The following RUNX1T1 variants were observed in gnomAD, a reference collection of about 807,000 sequenced individuals.
RUNX1T1 encodes the protein protein CBFA2T1.
RUNX1T1 carries 4 observed loss-of-function variants against 62.8 expected under a neutral mutation model. The ratio of observed to expected loss-of-function variants is 0.06; its 90% CI spans 0.03 to 0.15. RUNX1T1 has a LOEUF of 0.15. Ranked by LOEUF, RUNX1T1 falls within the 10% of genes least tolerant of loss-of-function variation. The probability of loss-of-function intolerance (pLI) is 1.00; values close to 1 mark genes in which losing one functional copy is unlikely to be tolerated. For synonymous variants in RUNX1T1, 291 were observed against 286.0 expected, an observed-to-expected ratio of 1.02 and a Z score of -0.18; for missense variants, 508 against 754.3, an observed-to-expected ratio of 0.67 and a Z score of 3.82.
intron 5 of RUNX1T1, among the ~76,000 whole-genome samples, chr8:91,998,920 G>A (rs2130956420): frequency 6.6e-6 from 1 of 152,304 alleles, no homozygotes; most frequent in Non-Finnish European, 1.5e-5. Context: ...ATGCCTGGAA[G>A]AGAGACCATT....
rs186836911 is a variant in RUNX1T1 at position 92,037,204 on chromosome 8, G to A, written c.8-19841C>T. 2.2e-4 allele frequency among the ~76,000 whole-genome samples: 33 copies of A among 152,254 alleles called. No homozygotes were observed. In the East Asian group the frequency reaches 5.2e-3, roughly 24 times the overall value. Reference sequence around the variant, plus strand: ...GTAAATTTATAACCCCGTGTCCTGTGGATGACCAATGCCTTGAGAAGCCAC... The same window carrying A: ...GTAAATTTATAACCCCGTGTCCTGTAGATGACCAATGCCTTGAGAAGCCAC... On this transcript the variant is annotated intron_variant, in intron 1 of 10. Coordinates refer to ENST00000396218, the Ensembl canonical transcript of RUNX1T1.
At chr8:92,007,250 G>C (rs1449138604) in intron 4 of RUNX1T1, among the ~76,000 whole-genome samples, 1 of 152,120 alleles carries the variant, frequency 6.6e-6, no homozygotes, top group Non-Finnish European at 1.5e-5. Flanking sequence ...TGTATCACTT[G>C]AGGTCAGGAG....
At chr8:92,102,991 C>A, upstream of RUNX1T1, 1 of 1,203,358 alleles carries the variant, frequency 8.3e-7, no homozygotes, top group Non-Finnish European at 1.1e-6. The surrounding 1 kb of genome is among the most constrained non-coding windows in gnomAD (Gnocchi z 4.5). Context: ...CCAGAGTGTC[C>A]GCGGCCACTC....
intron 5 of RUNX1T1, among the ~76,000 whole-genome samples, chr8:91,996,600 T>TTC (rs1818742075): frequency 6.6e-6 from 1 of 152,140 alleles, no homozygotes; most frequent in South Asian, 2.1e-4. Flanking sequence ...TCCCAATCAC[T>TTC]TCTCTCTCGA....
chr8:91,977,574 T>C (rs1298297926), intron 8 of RUNX1T1, among the ~76,000 whole-genome samples: 1 of 152,212 alleles, frequency 6.6e-6, no homozygotes, highest in Non-Finnish European at 1.5e-5. Flanking sequence ...CAAGTTCATA[T>C]TTAGCCATGT....
chr8:92,064,580 A>G (rs1468538235), upstream of RUNX1T1, among the ~76,000 whole-genome samples: 2 of 152,160 alleles, frequency 1.3e-5, no homozygotes, highest in African/African-American at 4.8e-5. Context: ...ATTTTTAAAG[A>G]GAGTATTTTT....
upstream of RUNX1T1, among the ~76,000 whole-genome samples, chr8:92,064,102 T>C (rs773833246): frequency 1.3e-5 from 2 of 152,158 alleles, no homozygotes; most frequent in Non-Finnish European, 2.9e-5. Context: ...TTCTACCTAC[T>C]CAATCTTCCT....
intron 1 of RUNX1T1, among the ~76,000 whole-genome samples, chr8:92,035,340 A>G (rs1827216459): frequency 7.2e-6 from 1 of 139,344 alleles, no homozygotes; most frequent in Non-Finnish European, 1.6e-5. Context: ...ATCCCACTGG[A>G]GACTCCAAAA....
chr8:91,956,769 A>C (rs1324037219), downstream of RUNX1T1: 2 of 219,740 alleles, frequency 9.1e-6, no homozygotes, highest in Non-Finnish European at 9.1e-6. Flanking sequence ...AATTTTTCAC[A>C]ATGTCGCAGA....
upstream of RUNX1T1, chr8:92,103,020 C>G (rs914738543): frequency 1.1e-5 from 10 of 884,278 alleles, no homozygotes; most frequent in Non-Finnish European, 1.5e-5. Flanking sequence ...GCGCTCGCCA[C>G]GAGACCGCGG....
chr8:91,979,104 G>C lies in RUNX1T1; in HGVS notation c.1199-3131C>G, dbSNP rs189797972. ...TAAACATCAGGTCTACCAACAGAAA[G>C]AACAGAGTGATTGGTAGTAGGTATA... On this transcript the variant is annotated intron_variant, in intron 8 of 10. Transcript: ENST00000396218. 3.1e-3 allele frequency among the ~76,000 whole-genome samples: 474 copies of C among 152,272 alleles called. 9 individuals carry two copies. Among genetic ancestry groups the C allele is most frequent in the Non-Finnish European group, 8.4e-4 (57 of 68,014 alleles).
chr8:92,062,732 G>C (rs1156958897), exon 1 of RUNX1T1: 2 of 1,583,374 alleles, frequency 1.3e-6, no homozygotes, highest in African/African-American at 1.3e-5. Flanking sequence ...GACAGATGGA[G>C]AGCTGACACT....
At chr8:92,076,228 G>A in intron 1 of RUNX1T1, 91 bp from the exon 2 acceptor site, 1 of 904,148 alleles carries the variant, frequency 1.1e-6, no homozygotes, top group South Asian at 4.5e-5. Flanking sequence ...CACTAGGCCA[G>A]TTTTGTTATG....
At chr8:92,093,755 T>C (rs1040994702) in intron 1 of RUNX1T1, among the ~76,000 whole-genome samples, 4 of 152,230 alleles carry the variant, frequency 2.6e-5, no homozygotes, top group African/African-American at 9.6e-5. Context: ...GTCACCTAAA[T>C]AGTGACTGAC....
intron 4 of RUNX1T1, among the ~76,000 whole-genome samples, chr8:92,008,119 T>C (rs560341138): frequency 1.6e-4 from 24 of 152,240 alleles, no homozygotes; most frequent in African/African-American, 4.1e-4. Context: ...AAGATTTAAA[T>C]TGTCCAAAAC....
At chr8:92,008,944 T>C (rs1361172133) in intron 4 of RUNX1T1, among the ~76,000 whole-genome samples, 1 of 152,254 alleles carries the variant, frequency 6.6e-6, no homozygotes, top group Middle Eastern at 3.2e-3. Flanking sequence ...ATGACTGCTT[T>C]CACTGAAGAA....
At chr8:92,025,685 T>G (rs1825005346) in intron 1 of RUNX1T1, among the ~76,000 whole-genome samples, 1 of 152,232 alleles carries the variant, frequency 6.6e-6, no homozygotes, top group Admixed American at 6.5e-5. Context: ...AGAGCAATGA[T>G]GACATTTTAT....
In RUNX1T1 at chr8:92,023,538, T is replaced by C. The variant is rs78196947; in HGVS notation, c.8-6175A>G. The stretch of plus-strand genomic sequence containing the variant: ...TTAATGTCTACCTCCTCTTTTCAGA[T>C]ACATTTTCACTCCTCATCAATGATT... On this transcript the variant is annotated intron_variant, in intron 1 of 10. Transcript: ENST00000396218. Among the ~76,000 whole-genome samples, 899 of 152,324 alleles carry C rather than the reference T, an allele frequency of 5.9e-3. 5 individuals are homozygous for C. The highest frequency in any genetic ancestry group is 0.02 in the African/African-American group (849 of 41,570).
chr8:92,063,186 A>G (rs1406181241), upstream of RUNX1T1, among the ~76,000 whole-genome samples: 4 of 152,062 alleles, frequency 2.6e-5, no homozygotes, highest in African/African-American at 9.7e-5. Flanking sequence ...AAGACTTTGT[A>G]TATTGTGCCA....
Sources: gnomAD v4.1 joint callset for allele counts (sites outside exome capture counted in the v4.1 genomes callset) on GRCh38, gnomAD v4.1.1 for gene constraint, Gnocchi (gnomAD v3.1) non-coding constraint, MANE v1.5 for transcripts, NCBI Gene and HGNC (gene_info 2026-07-23, HGNC 2026-07-21) for gene names.